SEMA6D: variants seen among roughly 807,000 people sequenced by gnomAD.
The protein encoded by SEMA6D is semaphorin 6D.
In SEMA6D, 35 loss-of-function variants were observed where a neutral mutation model predicts 106.6. The ratio of observed to expected loss-of-function variants is 0.33; its 90% CI spans 0.25 to 0.44. The LOEUF (loss-of-function observed/expected upper bound fraction) is 0.44. Ranked by LOEUF, SEMA6D falls within the 20% of genes least tolerant of loss-of-function variation. The pLI, the probability that SEMA6D is intolerant of heterozygous loss-of-function variation, is 1.00. For missense variants in SEMA6D, 1,185 were observed against 1,345.9 expected (o/e 0.88, Z 1.87); for synonymous variants, 499 against 487.7 (o/e 1.02, Z -0.31).
At chr15:47,234,200 A>G (rs2032396252) in intron 1 of SEMA6D, among the ~76,000 whole-genome samples, 1 of 152,048 alleles carries the variant, frequency 6.6e-6, no homozygotes, top group South Asian at 2.1e-4. Flanking sequence ...TCACAAGCTC[A>G]GGAAAGACCT....
intron 1 of SEMA6D, among the ~76,000 whole-genome samples, chr15:47,184,762 A>G (rs1893431092): frequency 6.6e-6 from 1 of 152,186 alleles, no homozygotes; most frequent in African/African-American, 2.4e-5. Context: ...CCCCACCCCA[A>G]ATCCTCCGGG....
intron 1 of SEMA6D, among the ~76,000 whole-genome samples, chr15:47,316,810 C>T (rs1031362384): frequency 6.6e-6 from 1 of 151,918 alleles, no homozygotes; most frequent in Non-Finnish European, 1.5e-5. Flanking sequence ...TTGTTGGATT[C>T]TATTTGTTAA....
chr15:47,184,904 C>T (rs1595709018), intron 1 of SEMA6D, among the ~76,000 whole-genome samples: 1 of 152,222 alleles, frequency 6.6e-6, no homozygotes, highest in African/African-American at 2.4e-5. Context: ...GATACGGCAT[C>T]TAATTGGTGG....
At chr15:47,204,620 T>A (rs1230012904) in intron 1 of SEMA6D, among the ~76,000 whole-genome samples, 1 of 152,006 alleles carries the variant, frequency 6.6e-6, no homozygotes, top group Non-Finnish European at 1.5e-5. Context: ...CAAAGGGGAG[T>A]TTAGAGATTA....
intron 3 of SEMA6D, among the ~76,000 whole-genome samples, chr15:47,526,920 G>A (rs1189377687): frequency 6.6e-6 from 1 of 151,998 alleles, no homozygotes; most frequent in African/African-American, 2.4e-5. Flanking sequence ...TGTATTTTTA[G>A]TAGAGATGGG....
intron 3 of SEMA6D, among the ~76,000 whole-genome samples, chr15:47,532,236 A>G (rs1252219357): frequency 6.6e-6 from 1 of 152,222 alleles, no homozygotes; most frequent in Non-Finnish European, 1.5e-5. Flanking sequence ...ATTTATTTGT[A>G]AAGAACTTCC....
intron 2 of SEMA6D, among the ~76,000 whole-genome samples, chr15:47,445,418 G>T (rs897528742): frequency 6.6e-6 from 1 of 151,916 alleles, no homozygotes; most frequent in Non-Finnish European, 1.5e-5. Flanking sequence ...GTGGAAAATA[G>T]GGAAGAGAGA....
chr15:47,500,828 G>A (rs547687504), intron 3 of SEMA6D, among the ~76,000 whole-genome samples: 16 of 152,232 alleles, frequency 1.1e-4, no homozygotes, highest in African/African-American at 3.6e-4. Flanking sequence ...ATTCAGAAAG[G>A]TACATTTGCC....
At position 47,460,693 on chromosome 15, in the gene SEMA6D, AT is replaced by A. The variant is rs200719278; in HGVS notation, c.-158-9779del. Among the ~76,000 whole-genome samples, 883 of 152,232 alleles carry A rather than the reference AT, an allele frequency of 5.8e-3. 6 individuals are homozygous for A. Among genetic ancestry groups the A allele is most frequent in the Admixed American group, 0.016 (250 of 15,276 alleles). ...AGGGGAATGAGGAGTATTTAAACATATTGCAAAAATTTCCTAATTTTTATTT... is the reference window on the plus strand; with the variant it reads ...AGGGGAATGAGGAGTATTTAAACATATGCAAAAATTTCCTAATTTTTATTT... On this transcript the variant is annotated intron_variant, in intron 2 of 19. Transcript: ENST00000558014.
chr15:47,658,651 C>T (rs1442348569), intron 4 of SEMA6D, among the ~76,000 whole-genome samples: 1 of 152,142 alleles, frequency 6.6e-6, no homozygotes, highest in Non-Finnish European at 1.5e-5. Context: ...TCTAAACATT[C>T]AGTCTGTCAT....
intron 2 of SEMA6D, among the ~76,000 whole-genome samples, chr15:47,422,686 T>TGGA (rs2041210293): frequency 6.6e-6 from 1 of 152,092 alleles, no homozygotes; most frequent in Admixed American, 6.6e-5. Context: ...CTCCAGATGT[T>TGGA]GGATGTACTT....
At chr15:47,209,508 G>T (rs891975693) in intron 1 of SEMA6D, among the ~76,000 whole-genome samples, 4 of 152,070 alleles carry the variant, frequency 2.6e-5, no homozygotes, top group Non-Finnish European at 5.9e-5. Flanking sequence ...AATGCCCAAA[G>T]AATCATTTAT....
At chr15:47,474,308 C>T (rs1339709754) in intron 3 of SEMA6D, among the ~76,000 whole-genome samples, 1 of 152,162 alleles carries the variant, frequency 6.6e-6, no homozygotes, top group Admixed American at 6.5e-5. Context: ...AGGCCTCTCT[C>T]CTTTCAATTT....
At chr15:47,544,918 A>G (rs897249332) in intron 3 of SEMA6D, among the ~76,000 whole-genome samples, 6 of 152,148 alleles carry the variant, frequency 3.9e-5, no homozygotes, top group South Asian at 2.1e-4. Flanking sequence ...ATGTTGATCA[A>G]TAAGTGGAAA....
At chr15:47,560,211 CA>C (rs145556955) in intron 3 of SEMA6D, among the ~76,000 whole-genome samples, 29,657 of 149,460 alleles carry the variant, frequency 0.2, 3,582 homozygotes, top group African/African-American at 0.33. Context: ...TATTCAGAGA[CA>C]AAAAAAAATG....
At chr15:47,602,079 T>G (rs1340562445) in intron 4 of SEMA6D, among the ~76,000 whole-genome samples, 1 of 152,218 alleles carries the variant, frequency 6.6e-6, no homozygotes, top group Non-Finnish European at 1.5e-5. Context: ...AGCTCTGGAA[T>G]GTAGTCATCT....
intron 3 of SEMA6D, among the ~76,000 whole-genome samples, chr15:47,548,776 T>A (rs1435744): frequency 0.73 from 110,664 of 152,042 alleles, 40,538 homozygotes; most frequent in African/African-American, 0.78. Flanking sequence ...CAAAGTATGT[T>A]TTTGTGCACA....
intron 1 of SEMA6D, among the ~76,000 whole-genome samples, chr15:47,721,600 TCCTCACACCTGACAACACTGGCAGTGCCA>T (rs1218337524): frequency 6.6e-6 from 1 of 152,204 alleles, no homozygotes; most frequent in Non-Finnish European, 1.5e-5. Flanking sequence ...GGAGTTTTCC[TCCTCACACCTGACAACACTGGCAGTGCCA>T]CTGATAATTG....
chr15:47,636,949 A>T (rs760000145), intron 4 of SEMA6D, among the ~76,000 whole-genome samples: 9 of 152,172 alleles, frequency 5.9e-5, no homozygotes, highest in Non-Finnish European at 1.0e-4. Flanking sequence ...CACACTTAGT[A>T]GGTTAGTAAT....
Sources: gnomAD v4.1 joint callset for allele counts (sites outside exome capture counted in the v4.1 genomes callset) on GRCh38, gnomAD v4.1.1 for gene constraint, MANE v1.5 for transcripts, NCBI Gene and HGNC (gene_info 2026-07-23, HGNC 2026-07-21) for gene names.